Variants in CFAP54 observed in about 807,000 individuals in gnomAD.
CFAP54 encodes the protein cilia- and flagella-associated protein 54.
CFAP54 carries 290 observed loss-of-function variants against 370.4 expected under a neutral mutation model. That is an observed-to-expected ratio of 0.78 (90% CI 0.71 to 0.86). CFAP54 has a LOEUF of 0.86. CFAP54 is among the 40% of genes least tolerant of loss of function. The probability of loss-of-function intolerance (pLI) is 0.00; values close to 1 mark genes in which losing one functional copy is unlikely to be tolerated. For missense variants in CFAP54, 3,399 were observed against 3,528.7 expected (o/e 0.96, Z 0.93); for synonymous variants, 1,206 against 1,236.5 (o/e 0.98, Z 0.52).
intron 65 of CFAP54, among the ~76,000 whole-genome samples, chr12:96,825,207 TTA>T (rs202135170): frequency 1.5e-4 from 20 of 137,508 alleles, no homozygotes; most frequent in Non-Finnish European, 1.7e-4. Context: ...TATATACATA[TTA>T]TATATATATA....
rs181117803 is a variant in CFAP54, at chr12:96,673,894, T to A, written c.5564-5706T>A. 3.3e-5 allele frequency among the ~76,000 whole-genome samples: 5 copies of A among 152,366 alleles called. 1 individual carries two copies. Among genetic ancestry groups the A allele is most frequent in the Admixed American group, 3.3e-4 (5 of 15,304 alleles). On this transcript the variant is annotated intron_variant, in intron 39 of 67. Transcript: ENST00000524981. ...CAGCATCCTATTCTCCCTTCAACTATTTAATAATGCATATGTAATTTGGTA... is the reference window on the plus strand; with the variant it reads ...CAGCATCCTATTCTCCCTTCAACTAATTAATAATGCATATGTAATTTGGTA...
intron 15 of CFAP54, among the ~76,000 whole-genome samples, chr12:96,550,861 C>T (rs570945074): frequency 8.3e-4 from 126 of 152,220 alleles, no homozygotes; most frequent in Non-Finnish European, 1.5e-3. Flanking sequence ...TTTTAACCAC[C>T]ATCCAGGGAC....
chr12:96,782,504 A>G (rs1958589892), intron 60 of CFAP54, among the ~76,000 whole-genome samples: 1 of 152,168 alleles, frequency 6.6e-6, no homozygotes, highest in African/African-American at 2.4e-5. Flanking sequence ...CGTATTTTAA[A>G]AAGATGTTAT....
intron 48 of CFAP54, among the ~76,000 whole-genome samples, chr12:96,712,388 C>T (rs1025821709): frequency 1.3e-5 from 2 of 151,628 alleles, no homozygotes; most frequent in African/African-American, 2.4e-5. Flanking sequence ...TTTCATTTTA[C>T]AGCTTTAAAT....
chr12:96,617,939 G>A (rs1045937866), intron 26 of CFAP54, among the ~76,000 whole-genome samples: 18 of 141,086 alleles, frequency 1.3e-4, no homozygotes, highest in Non-Finnish European at 1.9e-4. Context: ...GCAGTGAGCC[G>A]AGATTATGCC....
At chr12:96,646,837 C>G (rs987504918) in intron 33 of CFAP54, 1 of 152,140 alleles carries the variant, frequency 6.6e-6, no homozygotes, top group African/African-American at 2.4e-5. Flanking sequence ...TCATTCTCAG[C>G]AAACTATCGC....
chr12:96,535,279 A>C (rs543827202), intron 11 of CFAP54, among the ~76,000 whole-genome samples: 1 of 152,084 alleles, frequency 6.6e-6, no homozygotes, highest in Middle Eastern at 3.4e-3. Context: ...CAAACTCCTG[A>C]CCTCAAGTGA....
At chr12:96,730,173 A>G (rs559296056) in intron 50 of CFAP54, among the ~76,000 whole-genome samples, 1 of 152,328 alleles carries the variant, frequency 6.6e-6, no homozygotes, top group East Asian at 1.9e-4. Context: ...GGCTGATGCC[A>G]TTAGAAATTG....
In CFAP54 at chr12:96,829,027, A is replaced by G. The variant is rs1959159108; in HGVS notation, c.9110A>G (p.Gln3037Arg). Reference protein sequence around the residue: ...VDNEMEDMIIQCCSEIASLFL... With the variant: ...VDNEMEDMIIRCCSEIASLFL... ...TCTTATTTCTAGGACATGATTATTC[A>G]ATGTTGCTCTGAAATAGCATCTCTG... The change falls in exon 66 of 68, where the codon CAA becomes CGA. Residue 3037 changes from glutamine (Q) to arginine (R), a missense_variant. Gln to Arg is a conservative substitution (Grantham distance 43). Transcript: ENST00000524981. The G allele has an allele frequency of 3.0e-5, 45 of 1,511,342 alleles. No homozygotes were observed. Among genetic ancestry groups the G allele is most frequent in the Non-Finnish European group, 4.0e-5 (45 of 1,126,442 alleles). The allele number at this position is 1,511,342 out of a possible 1,614,324, so 93.6% of individuals were successfully genotyped here. A position where few individuals can be genotyped will look rare whatever the true frequency, so the allele number is the denominator to read the frequency against.
chr12:96,496,920 T>C (rs987367526), intron 1 of CFAP54, among the ~76,000 whole-genome samples: 2 of 152,382 alleles, frequency 1.3e-5, no homozygotes, highest in South Asian at 4.1e-4. Context: ...GTTTGTTTTG[T>C]TTTTATTTTA....
intron 63 of CFAP54, among the ~76,000 whole-genome samples, chr12:96,808,249 GC>G (rs1456245809): frequency 3.9e-5 from 6 of 152,084 alleles, no homozygotes; most frequent in African/African-American, 1.4e-4. Context: ...TGCACTGATT[GC>G]TCTTATGGCT....
intron 9 of CFAP54, among the ~76,000 whole-genome samples, chr12:96,533,292 T>C (rs569302081): frequency 6.6e-6 from 1 of 152,150 alleles, no homozygotes; most frequent in African/African-American, 2.4e-5. Flanking sequence ...ACTTTCTGTA[T>C]CTATGTGTTA....
At chr12:96,532,410 A>G (rs951426883) in intron 9 of CFAP54, among the ~76,000 whole-genome samples, 1 of 152,070 alleles carries the variant, frequency 6.6e-6, no homozygotes, top group Non-Finnish European at 1.5e-5. Context: ...AATGCAGGGA[A>G]CTTCTGGTGC....
intron 9 of CFAP54, among the ~76,000 whole-genome samples, chr12:96,529,995 ATC>A (rs1221407042): frequency 6.6e-6 from 1 of 152,160 alleles, no homozygotes; most frequent in East Asian, 1.9e-4. Flanking sequence ...TAGAAATTAG[ATC>A]TTTTTTGTTT....
chr12:96,736,401 G>A (rs78194805), intron 50 of CFAP54, among the ~76,000 whole-genome samples: 1,643 of 152,252 alleles, frequency 0.011, 22 homozygotes, highest in African/African-American at 0.036. Context: ...GATTGGCCCG[G>A]CTTGGCTCAT....
chr12:96,746,815 AT>A (rs1370191941), intron 55 of CFAP54, among the ~76,000 whole-genome samples: 2 of 152,156 alleles, frequency 1.3e-5, no homozygotes, highest in East Asian at 3.9e-4. Flanking sequence ...CTGAAATCCC[AT>A]TCCTACCATA....
intron 38 of CFAP54, among the ~76,000 whole-genome samples, chr12:96,659,488 AG>A (rs1444871585): frequency 1.1e-4 from 17 of 152,226 alleles, no homozygotes; most frequent in Admixed American, 1.1e-3. Context: ...TAAAATAAGA[AG>A]AAAAAAATAA....
At chr12:96,699,374 C>T (rs965607058) in intron 45 of CFAP54, among the ~76,000 whole-genome samples, 1 of 152,146 alleles carries the variant, frequency 6.6e-6, no homozygotes, top group Non-Finnish European at 1.5e-5. Flanking sequence ...CCTTCAGTCC[C>T]TATTCTCCTG....
chr12:96,708,391 G>T (rs1213908055), intron 47 of CFAP54, among the ~76,000 whole-genome samples: 1 of 152,098 alleles, frequency 6.6e-6, no homozygotes, highest in Non-Finnish European at 1.5e-5. Context: ...TGAGGCACAG[G>T]TTAGAAATTG....
Sources: gnomAD v4.1 joint callset for allele counts (sites outside exome capture counted in the v4.1 genomes callset) on GRCh38, gnomAD v4.1.1 for gene constraint, MANE v1.5 for transcripts, NCBI Gene and HGNC (gene_info 2026-07-23, HGNC 2026-07-21) for gene names.